ADGRL3: variants seen among roughly 807,000 people sequenced by gnomAD.
ADGRL3 encodes calcium-independent alpha-latrotoxin receptor 3.
A neutral mutation model predicts 153.5 loss-of-function variants in ADGRL3; 62 were observed. The observed-to-expected ratio is 0.40, with a 90% CI of 0.33 to 0.50. The LOEUF is 0.50. Ranked by LOEUF, ADGRL3 falls within the 20% of genes least tolerant of loss-of-function variation. ADGRL3 has a pLI of 0.47. For synonymous variants in ADGRL3, 710 were observed against 672.5 expected, an observed-to-expected ratio of 1.06 and a Z score of -0.86; for missense variants, 1,641 against 1,859.4, an observed-to-expected ratio of 0.88 and a Z score of 2.16.
intron 21 of ADGRL3, among the ~76,000 whole-genome samples, chr4:62,011,905 G>A (rs1003513561): frequency 1.3e-5 from 2 of 152,080 alleles, no homozygotes; most frequent in South Asian, 4.2e-4. Context: ...GTTTGGCTTG[G>A]CTGCTATAAC....
At chr4:61,585,972 A>T (rs1220757329) in intron 4 of ADGRL3, among the ~76,000 whole-genome samples, 1 of 152,054 alleles carries the variant, frequency 6.6e-6, no homozygotes, top group Non-Finnish European at 1.5e-5. Flanking sequence ...TAAGCAAGCC[A>T]TTCACAAATA....
chr4:61,206,817 A>G (rs1213069122), intron 1 of ADGRL3, among the ~76,000 whole-genome samples: 1 of 151,908 alleles, frequency 6.6e-6, no homozygotes, highest in Non-Finnish European at 1.5e-5. Flanking sequence ...CCCTGTCTCT[A>G]CTAAAAATAC....
At chr4:61,497,525 T>G (rs995291026) in intron 3 of ADGRL3, among the ~76,000 whole-genome samples, 177 bp downstream of exon 3, 14 of 147,594 alleles carry the variant, frequency 9.5e-5, no homozygotes, top group African/African-American at 3.5e-4. Context: ...CTTTTTTTTT[T>G]TTTTTTTTCA....
At chr4:61,939,523 G>A (rs546708272) in intron 15 of ADGRL3, among the ~76,000 whole-genome samples, 2 of 145,800 alleles carry the variant, frequency 1.4e-5, no homozygotes, top group Non-Finnish European at 3.0e-5. Flanking sequence ...AGGCTGGGAT[G>A]CAGTGGCACA....
intron 8 of ADGRL3, among the ~76,000 whole-genome samples, chr4:61,753,661 A>C (rs188841250): frequency 8.3e-4 from 127 of 152,346 alleles, no homozygotes; most frequent in Admixed American, 1.4e-3. Flanking sequence ...AAAGTTTCAA[A>C]GACAGAGAAC....
chr4:61,693,736 T>C (rs1389393063), intron 6 of ADGRL3, among the ~76,000 whole-genome samples: 1 of 152,186 alleles, frequency 6.6e-6, no homozygotes, highest in African/African-American at 2.4e-5. Flanking sequence ...TTTAATTAAA[T>C]TTTCCAATAT....
intron 2 of ADGRL3, among the ~76,000 whole-genome samples, chr4:61,492,419 T>C (rs114739828): frequency 0.018 from 2,727 of 152,220 alleles, 86 homozygotes; most frequent in African/African-American, 0.063. Context: ...GAGAGTAAAT[T>C]GTCTTACAGA....
chr4:61,233,839 T>A (rs1751745532), intron 1 of ADGRL3, among the ~76,000 whole-genome samples: 1 of 152,126 alleles, frequency 6.6e-6, no homozygotes, highest in Non-Finnish European at 1.5e-5. Context: ...TGGGAATGTC[T>A]ACTGGATGTA....
chr4:61,558,123 T>A (rs1045003132), intron 4 of ADGRL3, among the ~76,000 whole-genome samples: 1 of 145,458 alleles, frequency 6.9e-6, no homozygotes, highest in South Asian at 2.1e-4. Flanking sequence ...TATATATATA[T>A]GTAGGAATCA....
At chr4:62,051,734 C>T (rs1221954248) in intron 25 of ADGRL3, among the ~76,000 whole-genome samples, 7 of 151,716 alleles carry the variant, frequency 4.6e-5, no homozygotes, top group Admixed American at 2.0e-4. Flanking sequence ...TGATTTATTA[C>T]GTTATTACCT....
chr4:62,068,196 A>C lies in ADGRL3; in HGVS notation c.3832+13A>C. 1 of 1,587,486 alleles carries C rather than the reference A, an allele frequency of 6.3e-7. No individual in the cohort carries two copies. The highest frequency in any genetic ancestry group is 8.5e-7 in the Non-Finnish European group (1 of 1,174,390). ...TACAGAGAGACAAGTATGGGAGTAA[A>C]GCTAAACATTGCATATCAAATGTAA... On this transcript the variant is annotated intron_variant, in intron 26 of 26. Transcript: ENST00000683033.
At chr4:61,725,862 A>C (rs1459794292) in intron 6 of ADGRL3, among the ~76,000 whole-genome samples, 1 of 152,138 alleles carries the variant, frequency 6.6e-6, no homozygotes, top group Non-Finnish European at 1.5e-5. Context: ...TCTGCCACCT[A>C]CCAAGGTTGA....
chr4:61,288,691 G>A (rs1441370604), intron 1 of ADGRL3, among the ~76,000 whole-genome samples: 1 of 151,964 alleles, frequency 6.6e-6, no homozygotes, highest in African/African-American at 2.4e-5. Flanking sequence ...GAGAATAGTT[G>A]TATGGCCAAT....
chr4:62,033,120 G>A (rs1723053891), intron 23 of ADGRL3, among the ~76,000 whole-genome samples: 1 of 151,732 alleles, frequency 6.6e-6, no homozygotes, highest in Non-Finnish European at 1.5e-5. Context: ...CCCATGAAGG[G>A]ACATAGGCTG....
chr4:61,891,208 G>GAA (rs78985111), intron 9 of ADGRL3, among the ~76,000 whole-genome samples: 2 of 151,718 alleles, frequency 1.3e-5, no homozygotes, highest in African/African-American at 2.4e-5. Flanking sequence ...TGATTAGAAA[G>GAA]AAAAAAATAG....
intron 2 of ADGRL3, among the ~76,000 whole-genome samples, chr4:61,407,806 G>A (rs181430457): frequency 6.6e-6 from 1 of 152,144 alleles, no homozygotes; most frequent in African/African-American, 2.4e-5. Context: ...TCTCAAGTAT[G>A]TATGTACTCT....
intron 1 of ADGRL3, among the ~76,000 whole-genome samples, chr4:61,330,259 G>A (rs182437044): frequency 2.0e-5 from 3 of 152,246 alleles, no homozygotes; most frequent in Non-Finnish European, 2.9e-5. Flanking sequence ...TGTTTGGGAG[G>A]ATGTCTCCAG....
chr4:61,461,440 T>G (rs930885599), intron 2 of ADGRL3, among the ~76,000 whole-genome samples: 3 of 152,156 alleles, frequency 2.0e-5, no homozygotes, highest in African/African-American at 7.2e-5. Flanking sequence ...ATACTCTGAT[T>G]TGATTATTAC....
chr4:61,487,788 G>C (rs932741136), intron 2 of ADGRL3, among the ~76,000 whole-genome samples: 16 of 151,872 alleles, frequency 1.1e-4, no homozygotes, highest in African/African-American at 3.9e-4. Context: ...TTTTTAAAGA[G>C]CAAAGGTTCT....
Sources: gnomAD v4.1 joint callset for allele counts (sites outside exome capture counted in the v4.1 genomes callset) on GRCh38, gnomAD v4.1.1 for gene constraint, MANE v1.5 for transcripts, NCBI Gene and HGNC (gene_info 2026-07-23, HGNC 2026-07-21) for gene names.